The following FBXW9 variants were observed in gnomAD, a reference collection of about 807,000 sequenced individuals.
FBXW9 encodes the protein F-box/WD repeat-containing protein 9.
FBXW9 carries 38 observed loss-of-function variants against 55.8 expected under a neutral mutation model. The ratio of observed to expected loss-of-function variants is 0.68; its 90% CI spans 0.53 to 0.89. The LOEUF (loss-of-function observed/expected upper bound fraction) is 0.89, where lower values mean the gene tolerates loss of function less well. Ranked by LOEUF, FBXW9 falls within the 40% of genes least tolerant of loss-of-function variation. FBXW9 has a pLI of 0.00. For missense variants in FBXW9, 590 were observed against 619.4 expected (o/e 0.95, Z 0.50); for synonymous variants, 289 against 278.2 (o/e 1.04, Z -0.38).
chr19:12,691,538 C>T, intron 3 of FBXW9, 84 bp from the exon 4 acceptor site: 2 of 1,183,708 alleles, frequency 1.7e-6, no homozygotes, highest in East Asian at 2.5e-5. Flanking sequence ...GCAGGTAAGG[C>T]TCAGAGAGGT....
rs45478502 is a variant in FBXW9, at chr19:12,691,339, C to A, written c.791+3G>T. On this transcript the variant is annotated splice_donor_region_variant and intron_variant, in intron 4 of 9. Coordinates refer to ENST00000393261, the MANE Select transcript of FBXW9 (RefSeq NM_032301.3). ...CAGGCCCCCTGCCCAGGCCCCCACA[C>A]ACTTTATCTCGCCGAACTGCTGCCC... 0.061 allele frequency: 97,962 copies of A among 1,613,782 alleles called. 3,384 individuals are homozygous for A. Among genetic ancestry groups the A allele is most frequent in the Non-Finnish European group, 0.072 (85,255 of 1,179,768 alleles).
intron 3 of FBXW9, among the ~76,000 whole-genome samples, chr19:12,691,990 A>T (rs1350714840): frequency 6.6e-6 from 1 of 151,834 alleles, no homozygotes; most frequent in Non-Finnish European, 1.5e-5. Context: ...TCCTGACCTT[A>T]GGTGATCCGC....
chr19:12,696,144 C>A (rs1431941452), intron 1 of FBXW9, 29 bp downstream of exon 1: 1 of 1,457,720 alleles, frequency 6.9e-7, no homozygotes, highest in Non-Finnish European at 9.1e-7. Flanking sequence ...GCCCCCGGCC[C>A]CCGGTCCCCG....
At chr19:12,693,081 A>G (rs1485842247) in intron 3 of FBXW9, among the ~76,000 whole-genome samples, 1 of 152,092 alleles carries the variant, frequency 6.6e-6, no homozygotes, top group Non-Finnish European at 1.5e-5. Flanking sequence ...TCATTTTACA[A>G]ATGGGGAAAC....
intron 3 of FBXW9, among the ~76,000 whole-genome samples, chr19:12,692,064 C>CT (rs34416243): frequency 0.27 from 38,503 of 141,716 alleles, 5,969 homozygotes; most frequent in Middle Eastern, 0.38. Context: ...CCCAGGAACT[C>CT]TTTTTTTTTT....
At position 12,688,991 on chromosome 19, in the gene FBXW9, C is replaced by T. The variant is rs1477418819; in HGVS notation, c.*225G>A. On this transcript the variant is annotated 3_prime_UTR_variant, in exon 10 of 10. Coordinates refer to ENST00000393261, the MANE Select transcript of FBXW9 (RefSeq NM_032301.3). ...CGGGGCATCCAAATCATAACAAAAC[C>T]AGGGCCCAAGAGTGGGAAGCGGCCC... 17 of 692,696 alleles carry T rather than the reference C, an allele frequency of 2.5e-5. No homozygotes were observed. Among genetic ancestry groups the T allele is most frequent in the Admixed American group, 4.1e-5 (2 of 49,168 alleles). The allele number at this position is 692,696 out of a possible 1,614,324, so 42.9% of individuals were successfully genotyped here.
chr19:12,696,517 G>A lies in FBXW9; in HGVS notation c.65C>T (p.Ser22Leu). 6.2e-7 allele frequency: 1 copy of A among 1,612,798 alleles called. No homozygotes were observed. Among genetic ancestry groups the A allele is most frequent in the African/African-American group, 1.3e-5 (1 of 75,072 alleles). ...GGCCTGCGCGTCTGGGTCTGTCTCTGACTCTGGGTCCGAGTCATCGTCCCA... is the reference window on the plus strand; with the variant it reads ...GGCCTGCGCGTCTGGGTCTGTCTCTAACTCTGGGTCCGAGTCATCGTCCCA... ...RTWDDDSDPESETDPDAQAKA... is the reference protein window; with the variant it reads ...RTWDDDSDPELETDPDAQAKA... Residue 22 changes from serine (S) to leucine (L), a missense_variant, in exon 1 of 10, where the codon TCA (serine) becomes TTA (leucine). Physicochemically the swap from Ser to Leu is moderately radical, Grantham distance 145. Transcript: ENST00000393261.
intron 1 of FBXW9, among the ~76,000 whole-genome samples, 190 bp from the exon 2 acceptor site, chr19:12,695,128 C>T (rs989268314): frequency 6.6e-5 from 10 of 152,320 alleles, no homozygotes; most frequent in Non-Finnish European, 1.3e-4. Context: ...GCCCATTTCC[C>T]AGGCAGGTCT....
chr19:12,689,260 C>T lies in FBXW9; in HGVS notation c.1333G>A (p.Gly445Ser), dbSNP rs536217520. Residue 445 changes from glycine to serine, a missense_variant, in exon 10 of 10, where the codon GGC (glycine) becomes AGC (serine). Coordinates refer to ENST00000393261, the MANE Select transcript of FBXW9 (RefSeq NM_032301.3). This position sits in a 1 kb window ranked among gnomAD's most constrained non-coding sequence, Gnocchi z 5.9. ...VCAEGNLVVAGSGDLSLEVWR... is the reference protein window; with the variant it reads ...VCAEGNLVVASSGDLSLEVWR... ...ACCTCTAGCGACAGGTCTCCAGAGC[C>T]GGCCACCACCAGGTTGCCCTCAGCA... 27 of 1,614,176 alleles carry T rather than the reference C, an allele frequency of 1.7e-5. No homozygotes were observed. The highest frequency in any genetic ancestry group is 8.0e-5 in the African/African-American group (6 of 75,062).
At position 12,689,302 on chromosome 19, in the gene FBXW9, G is replaced by A; in HGVS notation, c.1303-12C>T. 6.2e-7 allele frequency: 1 copy of A among 1,614,208 alleles called. No homozygotes were observed. Among genetic ancestry groups the A allele is most frequent in the Non-Finnish European group, 8.5e-7 (1 of 1,180,012 alleles). The stretch of plus-strand genomic sequence containing the variant: ...CCCTCAGCACAGACCTGGGAAGGGG[G>A]AGGAACATGAGGAGTCAGGGACGAT... On this transcript the variant is annotated splice_polypyrimidine_tract_variant and intron_variant, in intron 9 of 9. Transcript: ENST00000393261. This position sits in a 1 kb window ranked among gnomAD's most constrained non-coding sequence, Gnocchi z 5.9.
intron 3 of FBXW9, among the ~76,000 whole-genome samples, chr19:12,691,966 C>T (rs954282282): frequency 6.6e-6 from 1 of 151,790 alleles, no homozygotes; most frequent in African/African-American, 2.4e-5. Flanking sequence ...ATGTTGGCCA[C>T]GCTGGTCTCA....
At chr19:12,691,008 C>T (rs2024999600) in intron 5 of FBXW9, among the ~76,000 whole-genome samples, 158 bp downstream of exon 5, 3 of 152,296 alleles carry the variant, frequency 2.0e-5, no homozygotes, top group African/African-American at 4.8e-5. Context: ...CACCTTCACC[C>T]GCTGCCCAAG....
chr19:12,690,017 T>A lies in FBXW9; in HGVS notation c.977A>T (p.Asp326Val), dbSNP rs769129692. ...DDRHIISGSE[D>V]HTLVVVDRRA... is the part of the protein sequence containing the mutation. ...GCGGTCCACCACCACCAGGGTGTGG[T>A]CCTCGCTGCCTGAGATGATGTGCCG... The change falls in exon 6 of 10, where the codon GAC becomes GTC. Residue 326 changes from aspartate (D) to valine (V), a missense_variant. Coordinates refer to ENST00000393261, the MANE Select transcript of FBXW9 (RefSeq NM_032301.3). The A allele has an allele frequency of 4.3e-6, 7 of 1,613,918 alleles. No homozygotes were observed. The African/African-American group carries it at 9.3e-5, about 22-fold the overall frequency.
Position 12,696,224 on chromosome 19 carries a change from A to G in FBXW9, c.358T>C (p.Trp120Arg). ...LRDLVSDHVT[W>R]RLRALRRVRA... ...ACGCGGCGTAGCGCGCGTAGCCTCC[A>G]GGTGACATGGTCAGACACGAGGTCG... Residue 120 changes from tryptophan (W) to arginine (R), a missense_variant, in exon 1 of 10, where the codon TGG (tryptophan) becomes CGG (arginine). Trp to Arg is a moderately radical substitution (Grantham distance 101). Transcript: ENST00000393261. 6.4e-7 allele frequency: 1 copy of G among 1,559,012 alleles called. No homozygotes were observed. Among genetic ancestry groups the G allele is most frequent in the Non-Finnish European group, 8.7e-7 (1 of 1,152,798 alleles).
At chr19:12,692,905 A>G (rs1474020766) in intron 3 of FBXW9, among the ~76,000 whole-genome samples, 3 of 152,088 alleles carry the variant, frequency 2.0e-5, no homozygotes, top group Non-Finnish European at 4.4e-5. Flanking sequence ...AGTGATTAAG[A>G]GTGTGGCCTC....
rs1054775813 is a variant in FBXW9, at chr19:12,695,882, G to A, written c.409+291C>T. On this transcript the variant is annotated intron_variant, in intron 1 of 9. Coordinates refer to ENST00000393261, the MANE Select transcript of FBXW9 (RefSeq NM_032301.3). ...AGGGGTCAGTGGCTTAGTACCACAAGACCCCAAGACTGAGGATATTTGGAT... is the reference window on the plus strand; with the variant it reads ...AGGGGTCAGTGGCTTAGTACCACAAAACCCCAAGACTGAGGATATTTGGAT... 4.6e-5 allele frequency among the ~76,000 whole-genome samples: 7 copies of A among 152,290 alleles called. No individual in the cohort carries two copies. The East Asian group carries it at 1.3e-3, about 29-fold the overall frequency.
chr19:12,692,801 G>A (rs2145406407), intron 3 of FBXW9, among the ~76,000 whole-genome samples: 1 of 152,330 alleles, frequency 6.6e-6, no homozygotes, highest in East Asian at 1.9e-4. Context: ...TAGGATTACA[G>A]GCCTGAGCAA....
At chr19:12,690,844 T>A (rs2145401835) in intron 5 of FBXW9, among the ~76,000 whole-genome samples, 1 of 152,260 alleles carries the variant, frequency 6.6e-6, no homozygotes, top group South Asian at 2.1e-4. Context: ...CTGTTCCTAT[T>A]ATCATCTTCC....
Position 12,689,904 on chromosome 19 carries a change from C to T in FBXW9, c.1033-30G>A, listed in dbSNP as rs1169074935. ...GAGAGGGACAAGGGACGGGACAGCT[C>T]AGGCCGGGCTGGGCCTGCAACAGTC... On this transcript the variant is annotated intron_variant, in intron 6 of 9. Transcript: ENST00000393261. This position sits in a 1 kb window ranked among gnomAD's most constrained non-coding sequence, Gnocchi z 5.9. 1.2e-6 allele frequency: 2 copies of T among 1,613,004 alleles called. No individual in the cohort carries two copies. Among genetic ancestry groups the T allele is most frequent in the Admixed American group, 1.7e-5 (1 of 59,994 alleles).
Sources: gnomAD v4.1 joint callset for allele counts (sites outside exome capture counted in the v4.1 genomes callset) on GRCh38, gnomAD v4.1.1 for gene constraint, Gnocchi (gnomAD v3.1) non-coding constraint, MANE v1.5 for transcripts, NCBI Gene and HGNC (gene_info 2026-07-23, HGNC 2026-07-21) for gene names.